FRMD6: variants seen among roughly 807,000 people sequenced by gnomAD.
The protein encoded by FRMD6 is FERM domain containing 6.
Under a neutral mutation model 73.2 loss-of-function variants are expected in FRMD6, and 37 were observed. That is an observed-to-expected ratio of 0.51 (90% CI 0.39 to 0.66). The LOEUF is 0.66. Ranked by LOEUF, FRMD6 falls within the 30% of genes least tolerant of loss-of-function variation. FRMD6 has a pLI of 0.00. For synonymous variants in FRMD6, 273 were observed against 282.2 expected (o/e 0.97, Z 0.33); for missense variants, 714 against 780.5 (o/e 0.91, Z 1.02).
At chr14:51,560,309 A>G (rs1005390731) in intron 1 of FRMD6, among the ~76,000 whole-genome samples, 1 of 152,214 alleles carries the variant, frequency 6.6e-6, no homozygotes, top group African/African-American at 2.4e-5. Context: ...AAGGTTTTAT[A>G]TCAGTGTCAT....
intron 1 of FRMD6, among the ~76,000 whole-genome samples, chr14:51,676,881 CAT>C (rs1024606805): frequency 3.3e-5 from 5 of 152,244 alleles, no homozygotes; most frequent in South Asian, 4.1e-4. Context: ...TTTTATCACA[CAT>C]ATATATGTAT....
At chr14:51,495,306 A>G (rs954334714) in intron 1 of FRMD6, among the ~76,000 whole-genome samples, 5 of 152,212 alleles carry the variant, frequency 3.3e-5, no homozygotes, top group Admixed American at 1.3e-4. Flanking sequence ...AACCACTTAT[A>G]TATTCTCTAA....
intron 1 of FRMD6, among the ~76,000 whole-genome samples, chr14:51,565,750 G>C (rs954769108): frequency 6.6e-6 from 1 of 152,088 alleles, no homozygotes; most frequent in African/African-American, 2.4e-5. Context: ...TAGAGGTGGC[G>C]AGGCCTTAGA....
chr14:51,589,409 T>C (rs867788551), intron 2 of FRMD6, among the ~76,000 whole-genome samples: 2 of 152,238 alleles, frequency 1.3e-5, no homozygotes, highest in Middle Eastern at 6.8e-3. Context: ...GAATCTTTTT[T>C]TATTTTTCTA....
At chr14:51,540,392 T>C (rs1273082168) in intron 1 of FRMD6, among the ~76,000 whole-genome samples, 1 of 152,198 alleles carries the variant, frequency 6.6e-6, no homozygotes, top group Non-Finnish European at 1.5e-5. Context: ...GCATCTGAAA[T>C]GGGGTTTTGC....
At chr14:51,443,946 T>G in the FRMD6 span, among the ~76,000 whole-genome samples, 1 of 151,084 alleles carries the variant, frequency 6.6e-6, no homozygotes, top group Non-Finnish European at 1.5e-5. Context: ...GTTGTGAGTT[T>G]TTTTTTTTTT....
At chr14:51,398,167 G>A in the FRMD6 span, among the ~76,000 whole-genome samples, 1 of 152,268 alleles carries the variant, frequency 6.6e-6, no homozygotes, top group Non-Finnish European at 1.5e-5. Context: ...ATTAGAGCTG[G>A]TTAAGTGCAT....
At chr14:51,643,932 A>T (rs1891931221) in intron 2 of FRMD6, among the ~76,000 whole-genome samples, 1 of 152,200 alleles carries the variant, frequency 6.6e-6, no homozygotes, top group Admixed American at 6.5e-5. Context: ...ATATCTTGAA[A>T]AGCTGGAGGA....
the FRMD6 span, among the ~76,000 whole-genome samples, chr14:51,404,717 G>C: frequency 6.6e-6 from 1 of 152,024 alleles, no homozygotes; most frequent in African/African-American, 2.4e-5. Context: ...TTTCTATTCT[G>C]TTCTACCACT....
chr14:51,477,683 T>C, the FRMD6 span, among the ~76,000 whole-genome samples: 1 of 152,164 alleles, frequency 6.6e-6, no homozygotes, highest in East Asian at 1.9e-4. Context: ...ATGTTCTCCA[T>C]AATGAGCTAG....
At chr14:51,480,616 A>G in the FRMD6 span, among the ~76,000 whole-genome samples, 3 of 152,270 alleles carry the variant, frequency 2.0e-5, no homozygotes, top group African/African-American at 4.8e-5. Context: ...CAATGACTAC[A>G]TTGATTAGGG....
chr14:51,512,200 T>C (rs1225201966), intron 1 of FRMD6, among the ~76,000 whole-genome samples: 3 of 152,146 alleles, frequency 2.0e-5, no homozygotes, highest in Non-Finnish European at 4.4e-5. Flanking sequence ...GAGTGGTGGA[T>C]GGATAATAGT....
upstream of FRMD6, among the ~76,000 whole-genome samples, chr14:51,647,787 T>C (rs1220631118): frequency 1.3e-5 from 2 of 152,232 alleles, no homozygotes; most frequent in African/African-American, 4.8e-5. Flanking sequence ...CATTAAAACA[T>C]ACTCTGAATG....
At chr14:51,446,569 C>A in the FRMD6 span, among the ~76,000 whole-genome samples, 3 of 152,026 alleles carry the variant, frequency 2.0e-5, no homozygotes, top group Non-Finnish European at 2.9e-5. Flanking sequence ...GGAAACCAGA[C>A]AATATGGTTG....
intron 2 of FRMD6, among the ~76,000 whole-genome samples, chr14:51,594,012 CA>C (rs1439694343): frequency 6.6e-6 from 1 of 152,092 alleles, no homozygotes; most frequent in African/African-American, 2.4e-5. Context: ...GACAACAGAA[CA>C]GGGTGTGTGA....
At chr14:51,437,409 T>G in the FRMD6 span, among the ~76,000 whole-genome samples, 13 of 152,182 alleles carry the variant, frequency 8.5e-5, no homozygotes, top group African/African-American at 2.9e-4. Flanking sequence ...TTCAAGCGAT[T>G]CTCCTGCCTC....
At chr14:51,609,249 T>C (rs1454953714) in intron 2 of FRMD6, among the ~76,000 whole-genome samples, 1 of 152,234 alleles carries the variant, frequency 6.6e-6, no homozygotes, top group Non-Finnish European at 1.5e-5. Context: ...GCCAAGCTAA[T>C]AAATGGAGTC....
intron 1 of FRMD6, among the ~76,000 whole-genome samples, chr14:51,506,909 A>T (rs1883996151): frequency 6.6e-6 from 1 of 152,216 alleles, no homozygotes. Context: ...TCGTAGAATG[A>T]AAAAAGCTGG....
rs184784375 is a variant in FRMD6 at position 51,624,256 on chromosome 14, T to G, written c.-147+53846T>G. On this transcript the variant is annotated intron_variant, in intron 2 of 14. Coordinates refer to the FRMD6 transcript ENST00000356218. ...CAAAATGAACCCCCTTTACAAATGC[T>G]TACCTATGTAACAAACCTTCACATC... Among the ~76,000 whole-genome samples, 1,113 of 152,254 alleles carry G rather than the reference T, an allele frequency of 7.3e-3. 4 individuals carry two copies. The highest frequency in any genetic ancestry group is 0.012 in the Non-Finnish European group (843 of 68,012).
Sources: allele counts gnomAD v4.1 joint callset (sites outside exome capture counted in the v4.1 genomes callset), GRCh38; gene constraint gnomAD v4.1.1; transcripts MANE v1.5; gene names NCBI Gene and HGNC (gene_info 2026-07-23, HGNC 2026-07-21).